Variants in AFAP1L2 observed in about 807,000 individuals in gnomAD.
AFAP1L2 encodes the protein actin filament-associated protein 1-like 2.
AFAP1L2 carries 46 observed loss-of-function variants against 99.3 expected under a neutral mutation model. The ratio of observed to expected loss-of-function variants is 0.46; its 90% CI spans 0.37 to 0.59. The LOEUF (loss-of-function observed/expected upper bound fraction) is 0.59, where lower values mean the gene tolerates loss of function less well. Ranked by LOEUF, AFAP1L2 falls within the 20% of genes least tolerant of loss-of-function variation. The pLI is 0.00. For synonymous variants in AFAP1L2, 397 were observed against 419.1 expected (o/e 0.95, Z 0.64); for missense variants, 959 against 1,034.9 (o/e 0.93, Z 1.01).
At chr10:114,314,620 T>C (rs1209576375) in intron 6 of AFAP1L2, among the ~76,000 whole-genome samples, 2 of 152,208 alleles carry the variant, frequency 1.3e-5, no homozygotes, top group Non-Finnish European at 2.9e-5. Flanking sequence ...TGAAATAACA[T>C]TGGCACGGAG....
intron 13 of AFAP1L2, 113 bp downstream of exon 13, chr10:114,301,241 G>T (rs2041126824): frequency 1.2e-6 from 1 of 855,426 alleles, no homozygotes; most frequent in Non-Finnish European, 1.9e-6. Flanking sequence ...AGGTGACTCA[G>T]AACCCACTCA....
intron 1 of AFAP1L2, among the ~76,000 whole-genome samples, chr10:114,351,446 A>G (rs577942545): frequency 4.6e-5 from 7 of 152,338 alleles, no homozygotes; most frequent in Admixed American, 3.9e-4. Flanking sequence ...TGGCAAAAGT[A>G]ATGAGACAGC....
In AFAP1L2 at chr10:114,362,814, C is replaced by A. The variant is rs60680965; in HGVS notation, c.17-22083G>T. The A allele has an allele frequency of 4.4e-3, 2,453 of 551,578 alleles. 57 individuals are homozygous for A. In the African/African-American group the frequency reaches 0.047, roughly 11 times the overall value. 34.2% of individuals were successfully genotyped at this position (551,578 alleles called of 1,614,324 possible). Reference sequence around the variant, plus strand: ...AAGATTAACCTCATTAGAAAAAAATCTGATTTTCCACTGGATTATAAGAAT... The same window carrying A: ...AAGATTAACCTCATTAGAAAAAAATATGATTTTCCACTGGATTATAAGAAT... On this transcript the variant is annotated intron_variant, in intron 1 of 18. Coordinates refer to ENST00000304129, the MANE Select transcript of AFAP1L2 (RefSeq NM_001001936.3).
At chr10:114,327,147 T>TTATTTTTA (rs1554902752) in intron 4 of AFAP1L2, among the ~76,000 whole-genome samples, 1 of 54,538 alleles carries the variant, frequency 1.8e-5, no homozygotes, top group Non-Finnish European at 4.9e-5. Context: ...TTATATATAT[T>TTATTTTTA]TATATATATA....
chr10:114,329,303 C>T (rs937180958), intron 4 of AFAP1L2, among the ~76,000 whole-genome samples: 3 of 152,178 alleles, frequency 2.0e-5, no homozygotes, highest in Non-Finnish European at 2.9e-5. Context: ...TCCCAGGGCC[C>T]GCAGGGACTC....
chr10:114,349,786 T>A (rs1019706705), intron 1 of AFAP1L2, among the ~76,000 whole-genome samples: 5 of 120,178 alleles, frequency 4.2e-5, no homozygotes, highest in Admixed American at 1.0e-4. Flanking sequence ...TTTTTCTTTA[T>A]CTCCATCTCC....
intron 5 of AFAP1L2, among the ~76,000 whole-genome samples, chr10:114,318,612 G>A (rs889046525): frequency 1.3e-5 from 2 of 151,682 alleles, no homozygotes; most frequent in African/African-American, 4.8e-5. Context: ...GCATGGTGAT[G>A]GACGCCTATA....
At chr10:114,398,020 T>C (rs1386064009) in intron 1 of AFAP1L2, among the ~76,000 whole-genome samples, 1 of 152,222 alleles carries the variant, frequency 6.6e-6, no homozygotes, top group Non-Finnish European at 1.5e-5. Context: ...CCGTGTTCCC[T>C]GGCCTCACTG....
chr10:114,384,047 T>TGGGC (rs370814597), intron 1 of AFAP1L2, among the ~76,000 whole-genome samples: 1 of 151,828 alleles, frequency 6.6e-6, no homozygotes, highest in Non-Finnish European at 1.5e-5. Flanking sequence ...TGACAAAGGA[T>TGGGC]GCAACAACAT....
At chr10:114,284,830 G>T in the AFAP1L2 span, 1 of 1,573,984 alleles carries the variant, frequency 6.4e-7, no homozygotes, top group Admixed American at 1.8e-5. Context: ...CTGTGCTGCG[G>T]TGCTTAGCGG....
chr10:114,352,754 G>A (rs914599014), intron 1 of AFAP1L2, among the ~76,000 whole-genome samples: 1 of 152,246 alleles, frequency 6.6e-6, no homozygotes, highest in Admixed American at 6.5e-5. Flanking sequence ...GATTTGAGAA[G>A]TGTCTACCAG....
intron 1 of AFAP1L2, among the ~76,000 whole-genome samples, chr10:114,343,886 T>C (rs1445670415): frequency 6.6e-6 from 1 of 152,034 alleles, no homozygotes; most frequent in Admixed American, 6.5e-5. Flanking sequence ...CACACCCTCA[T>C]CCAAGGCAAT....
chr10:114,309,730 G>A (rs1487423385), intron 8 of AFAP1L2, among the ~76,000 whole-genome samples: 1 of 152,188 alleles, frequency 6.6e-6, no homozygotes, highest in Admixed American at 6.5e-5. Context: ...GGGAAAGGAA[G>A]TGCCTCATAA....
At position 114,319,699 on chromosome 10, in the gene AFAP1L2, G is replaced by C; in HGVS notation, c.406+3472C>G. The C allele has an allele frequency of 2.4e-6, 3 of 1,233,974 alleles. No individual in the cohort carries two copies. The South Asian group carries it at 3.8e-5, about 16-fold the overall frequency. 76.4% of individuals were successfully genotyped at this position (1,233,974 alleles called of 1,614,324 possible). On this transcript the variant is annotated intron_variant, in intron 5 of 18. Coordinates refer to ENST00000304129, the MANE Select transcript of AFAP1L2 (RefSeq NM_001001936.3). ...GGGAAGAGAAGAGAGACAGAATGAA[G>C]AGAGGAGCACGCCCAAGTGCAGAGA...
chr10:114,366,648 A>G lies in AFAP1L2; in HGVS notation c.17-25917T>C, dbSNP rs1173635372. ...ACCTACCAGTTCTTCAGGGGTGGCC[A>G]TTTTCTTTCTGATACTCAGTTGTAA... On this transcript the variant is annotated intron_variant, in intron 1 of 18. Coordinates refer to ENST00000304129, the MANE Select transcript of AFAP1L2 (RefSeq NM_001001936.3). Among the ~76,000 whole-genome samples, 3 of 152,074 alleles carry G rather than the reference A, an allele frequency of 2.0e-5. No individual in the cohort carries two copies. The South Asian group carries it at 6.2e-4, about 32-fold the overall frequency.
In AFAP1L2 at chr10:114,377,127, C is replaced by T. The variant is rs2054914557; in HGVS notation, c.16+27313G>A. 6.6e-6 allele frequency among the ~76,000 whole-genome samples: 1 copy of T among 152,168 alleles called. No homozygotes were observed. Among genetic ancestry groups the T allele is most frequent in the African/African-American group, 2.4e-5 (1 of 41,436 alleles). ...CCATGGTTTACTAATTCACACTCACCCATCTCCTTCCTAGTCCCAGACTTC... is the reference window on the plus strand; with the variant it reads ...CCATGGTTTACTAATTCACACTCACTCATCTCCTTCCTAGTCCCAGACTTC... On this transcript the variant is annotated intron_variant, in intron 1 of 18. Transcript: ENST00000304129. This position sits in a 1 kb window ranked among gnomAD's most constrained non-coding sequence, Gnocchi z 4.0.
intron 2 of AFAP1L2, among the ~76,000 whole-genome samples, chr10:114,339,442 G>A (rs909845049): frequency 1.3e-5 from 2 of 151,788 alleles, no homozygotes; most frequent in African/African-American, 4.9e-5. Flanking sequence ...ACGAGACTCC[G>A]TCTCAAAAAA....
At position 114,315,550 on chromosome 10, in the gene AFAP1L2, G is replaced by A; in HGVS notation, c.612+10C>T. ...GAGTCGGGGGACAAGACGACGTAAG[G>A]CAGACTGACCAGAAGCCTGTTGTCC... is the stretch of plus-strand genomic sequence containing the variant. On this transcript the variant is annotated intron_variant, in intron 6 of 18. Transcript: ENST00000304129. The A allele has an allele frequency of 6.2e-7, 1 of 1,613,748 alleles. No individual in the cohort carries two copies. The highest frequency in any genetic ancestry group is 8.5e-7 in the Non-Finnish European group (1 of 1,179,838).
At chr10:114,401,573 T>C (rs1268255746) in intron 1 of AFAP1L2, among the ~76,000 whole-genome samples, 1 of 152,216 alleles carries the variant, frequency 6.6e-6, no homozygotes, top group African/African-American at 2.4e-5. Flanking sequence ...ACCATCGCTA[T>C]TTATGGCAAC....
Sources: allele counts gnomAD v4.1 joint callset (sites outside exome capture counted in the v4.1 genomes callset), GRCh38; gene constraint gnomAD v4.1.1; non-coding constraint Gnocchi (gnomAD v3.1); transcripts MANE v1.5; gene names NCBI Gene and HGNC (gene_info 2026-07-23, HGNC 2026-07-21).